E2F3: variants seen among roughly 807,000 people sequenced by gnomAD.
E2F3 encodes E2F transcription factor 3.
E2F3 carries 11 observed loss-of-function variants against 44.4 expected under a neutral mutation model. The observed-to-expected ratio is 0.25, with a 90% CI of 0.16 to 0.41. The LOEUF is 0.41. E2F3 is among the 10% of genes least tolerant of loss of function. The probability of loss-of-function intolerance (pLI) is 1.00; values close to 1 mark genes in which losing one functional copy is unlikely to be tolerated. For synonymous variants in E2F3, 249 were observed against 253.0 expected (o/e 0.98, Z 0.15); for missense variants, 487 against 583.6 (o/e 0.83, Z 1.70).
At chr6:20,448,608 A>T (rs1761024966) in intron 1 of E2F3, among the ~76,000 whole-genome samples, 1 of 152,204 alleles carries the variant, frequency 6.6e-6, no homozygotes, top group African/African-American at 2.4e-5. Flanking sequence ...TGTATACTCC[A>T]TGTGGTGTAT....
chr6:20,450,682 C>T (rs950454670), intron 1 of E2F3, among the ~76,000 whole-genome samples: 3 of 152,044 alleles, frequency 2.0e-5, no homozygotes, highest in Non-Finnish European at 4.4e-5. Context: ...TTGGTGTCTT[C>T]GTCATGAAAT....
intron 1 of E2F3, among the ~76,000 whole-genome samples, chr6:20,410,729 C>T (rs1759644279): frequency 6.6e-6 from 1 of 152,214 alleles, no homozygotes; most frequent in African/African-American, 2.4e-5. Flanking sequence ...GCCGATTCTC[C>T]TGCCTCAGCC....
At chr6:20,435,828 T>C (rs573912488) in intron 1 of E2F3, among the ~76,000 whole-genome samples, 2 of 152,262 alleles carry the variant, frequency 1.3e-5, no homozygotes, top group South Asian at 4.1e-4. Context: ...AAGAAAAAGG[T>C]GCTCCTTTTG....
chr6:20,437,342 T>G (rs1235823933), intron 1 of E2F3, among the ~76,000 whole-genome samples: 3 of 152,174 alleles, frequency 2.0e-5, no homozygotes, highest in Non-Finnish European at 4.4e-5. Context: ...TTATTCTGGT[T>G]TCCAATACCC....
At chr6:20,445,641 G>A (rs56002945) in intron 1 of E2F3, among the ~76,000 whole-genome samples, 6,340 of 152,138 alleles carry the variant, frequency 0.042, 439 homozygotes, top group African/African-American at 0.14. Flanking sequence ...TCACTCTGAA[G>A]GGCAGTTTAG....
At chr6:20,482,599 A>AAAATAT (rs1177675969) in intron 3 of E2F3, among the ~76,000 whole-genome samples, 163 bp from the exon 4 acceptor site, 30 of 134,494 alleles carry the variant, frequency 2.2e-4, no homozygotes, top group East Asian at 1.9e-3. Flanking sequence ...TGAAAAAAAA[A>AAAATAT]ATATATATAT....
intron 1 of E2F3, among the ~76,000 whole-genome samples, chr6:20,410,755 A>G (rs991687455): frequency 3.3e-5 from 5 of 152,132 alleles, no homozygotes; most frequent in Non-Finnish European, 7.4e-5. Context: ...CGTAACTGGG[A>G]TTACAGGTGT....
chr6:20,465,441 T>G (rs1761668850), intron 1 of E2F3, among the ~76,000 whole-genome samples: 1 of 152,224 alleles, frequency 6.6e-6, no homozygotes, highest in African/African-American at 2.4e-5. Context: ...TCATTTTATT[T>G]CAGTTTCCAT....
intron 1 of E2F3, among the ~76,000 whole-genome samples, chr6:20,420,833 A>C (rs1760003496): frequency 6.6e-6 from 1 of 152,210 alleles, no homozygotes; most frequent in Admixed American, 6.5e-5. Context: ...AGTTTTCCAC[A>C]TTGATTGACT....
chr6:20,465,408 G>A (rs758806901), intron 1 of E2F3, among the ~76,000 whole-genome samples: 6 of 152,290 alleles, frequency 3.9e-5, no homozygotes, highest in Non-Finnish European at 7.4e-5. Context: ...CCACAGTGTT[G>A]CATTAAAACA....
chr6:20,410,455 A>G (rs1203746796), intron 1 of E2F3, among the ~76,000 whole-genome samples: 1 of 152,200 alleles, frequency 6.6e-6, no homozygotes, highest in African/African-American at 2.4e-5. Flanking sequence ...GAGGAATGAT[A>G]GTACCTACCT....
intron 1 of E2F3, among the ~76,000 whole-genome samples, chr6:20,427,748 C>T (rs983610542): frequency 2.0e-5 from 3 of 152,196 alleles, no homozygotes; most frequent in Non-Finnish European, 4.4e-5. Flanking sequence ...CTGCCACACA[C>T]CTTCCATGCC....
At chr6:20,447,943 C>T (rs764652147) in intron 1 of E2F3, among the ~76,000 whole-genome samples, 22 of 152,190 alleles carry the variant, frequency 1.4e-4, no homozygotes, top group Non-Finnish European at 2.8e-4. Flanking sequence ...CCCAAGGTCA[C>T]ACAGTGGGTT....
chr6:20,453,600 C>T (rs1358932498), intron 1 of E2F3, among the ~76,000 whole-genome samples: 1 of 151,912 alleles, frequency 6.6e-6, no homozygotes, highest in African/African-American at 2.4e-5. Flanking sequence ...TTTGTGGAGA[C>T]GAGGTCTCGC....
intron 1 of E2F3, among the ~76,000 whole-genome samples, chr6:20,458,223 G>C (rs1346214174): frequency 6.6e-6 from 1 of 152,112 alleles, no homozygotes; most frequent in African/African-American, 2.4e-5. Flanking sequence ...TACTGTAACA[G>C]GGAGTCATTC....
intron 1 of E2F3, among the ~76,000 whole-genome samples, chr6:20,406,524 GTAAT>G (rs1759498816): frequency 6.6e-6 from 1 of 152,202 alleles, no homozygotes; most frequent in Non-Finnish European, 1.5e-5. Context: ...TAAGTGATCT[GTAAT>G]TAATTATTTA....
At chr6:20,447,810 T>C (rs1469816124) in intron 1 of E2F3, among the ~76,000 whole-genome samples, 2 of 152,132 alleles carry the variant, frequency 1.3e-5, no homozygotes, top group Admixed American at 1.3e-4. Flanking sequence ...GAGTAAGCCA[T>C]CAGAATTAAG....
At chr6:20,488,043 G>A (rs1762446423) in intron 5 of E2F3, 70 bp from the exon 6 acceptor site, 13 of 1,590,094 alleles carry the variant, frequency 8.2e-6, no homozygotes, top group Non-Finnish European at 1.1e-5. Context: ...TCCATTTTTA[G>A]ACAAGAATTA....
At chr6:20,448,668 A>G (rs367636227) in intron 1 of E2F3, among the ~76,000 whole-genome samples, 10 of 152,332 alleles carry the variant, frequency 6.6e-5, no homozygotes, top group African/African-American at 2.4e-4. Flanking sequence ...GTTAAAAGAC[A>G]GGTTAGAGAC....
Sources: allele counts gnomAD v4.1 joint callset (sites outside exome capture counted in the v4.1 genomes callset), GRCh38; gene constraint gnomAD v4.1.1; transcripts MANE v1.5; gene names NCBI Gene and HGNC (gene_info 2026-07-23, HGNC 2026-07-21).